The following KAZN variants were observed in gnomAD, a reference collection of about 807,000 sequenced individuals.
KAZN encodes the protein kazrin, periplakin interacting protein.
Under a neutral mutation model 87.4 loss-of-function variants are expected in KAZN, and 40 were observed. That is an observed-to-expected ratio of 0.46 (90% CI 0.36 to 0.60). KAZN has a LOEUF of 0.60. Among genes scored for constraint, KAZN ranks in the 20% least tolerant of loss-of-function variants. The pLI is 0.00. For synonymous variants in KAZN, 466 were observed against 458.3 expected (o/e 1.02, Z -0.22); for missense variants, 898 against 1,073.9 (o/e 0.84, Z 2.29).
At chr1:14,662,607 C>T (rs1036481394) in intron 1 of KAZN, among the ~76,000 whole-genome samples, 6 of 151,838 alleles carry the variant, frequency 4.0e-5, no homozygotes, top group Admixed American at 3.3e-4. Context: ...TTATCTTTAC[C>T]TCTGACCAAT....
intron 1 of KAZN, among the ~76,000 whole-genome samples, chr1:14,062,794 C>G (rs182130295): frequency 1.3e-5 from 2 of 151,936 alleles, no homozygotes; most frequent in Non-Finnish European, 2.9e-5. Context: ...CATCATCAAG[C>G]AGGGACATTT....
chr1:14,896,358 A>G (rs1655279001), intron 1 of KAZN, among the ~76,000 whole-genome samples: 2 of 152,192 alleles, frequency 1.3e-5, no homozygotes, highest in African/African-American at 4.8e-5. Flanking sequence ...CAGCCAAAAA[A>G]GATGCCTTTT....
chr1:14,435,567 C>A (rs2101412579), intron 2 of KAZN, among the ~76,000 whole-genome samples: 1 of 152,186 alleles, frequency 6.6e-6, no homozygotes, highest in East Asian at 1.9e-4. Flanking sequence ...CATTCCTTTG[C>A]CCCTGCCTTC....
chr1:14,777,183 A>C (rs1360365269), intron 1 of KAZN, among the ~76,000 whole-genome samples: 1 of 149,262 alleles, frequency 6.7e-6, no homozygotes. Flanking sequence ...TTTTTAGTAG[A>C]GACGGGGTTT....
chr1:14,517,438 C>A (rs1671355564), intron 2 of KAZN, among the ~76,000 whole-genome samples: 1 of 152,174 alleles, frequency 6.6e-6, no homozygotes, highest in African/African-American at 2.4e-5. Flanking sequence ...CCTGGACTTT[C>A]CAATTTGTGA....
intron 2 of KAZN, among the ~76,000 whole-genome samples, chr1:14,311,542 A>G (rs1655301587): frequency 6.6e-6 from 1 of 152,170 alleles, no homozygotes; most frequent in African/African-American, 2.4e-5. Context: ...CATCGTGGAG[A>G]CCAGAATCAA....
At chr1:14,363,977 T>C (rs866837849) in intron 2 of KAZN, among the ~76,000 whole-genome samples, 1 of 152,240 alleles carries the variant, frequency 6.6e-6, no homozygotes, top group African/African-American at 2.4e-5. Flanking sequence ...ATTTTTTTTT[T>C]TTTTTTTAAT....
intron 1 of KAZN, among the ~76,000 whole-genome samples, chr1:13,917,110 G>T (rs1435951016): frequency 6.6e-6 from 1 of 152,156 alleles, no homozygotes. Context: ...GTGCATGCAT[G>T]CACGCCCATG....
At chr1:14,912,562 G>A (rs1657368374) in intron 1 of KAZN, among the ~76,000 whole-genome samples, 2 of 152,096 alleles carry the variant, frequency 1.3e-5, no homozygotes, top group Admixed American at 1.3e-4. Flanking sequence ...CATATTTTTT[G>A]TAGAGACAGG....
intron 2 of KAZN, among the ~76,000 whole-genome samples, chr1:14,240,536 G>C (rs1424125222): frequency 6.6e-6 from 1 of 152,198 alleles, no homozygotes; most frequent in Non-Finnish European, 1.5e-5. Flanking sequence ...CAACAGCCAG[G>C]CCCAAATATC....
chr1:14,424,656 G>A (rs1418513340), intron 2 of KAZN, among the ~76,000 whole-genome samples: 3 of 152,190 alleles, frequency 2.0e-5, no homozygotes, highest in African/African-American at 7.2e-5. Context: ...GACCTTGTAA[G>A]GACAGATACC....
In KAZN at chr1:15,066,081, T is replaced by C; in HGVS notation, c.1222+328T>C. ...GAGCGATACAGTTGTGTTGTTAATC[T>C]GGTTTATTATTTTTCTTCAGTGTTT... On this transcript the variant is annotated intron_variant, in intron 8 of 14. Coordinates refer to ENST00000376030, the MANE Select transcript of KAZN (RefSeq NM_201628.3). The surrounding 1 kb of genome is among the most constrained non-coding windows in gnomAD (Gnocchi z 4.3). 1 of 1,165,508 alleles carries C rather than the reference T, an allele frequency of 8.6e-7. No individual in the cohort carries two copies. The highest frequency in any genetic ancestry group is 1.1e-6 in the Non-Finnish European group (1 of 945,668). The allele number at this position is 1,165,508 out of a possible 1,614,324, so 72.2% of individuals were successfully genotyped here. A position where few individuals can be genotyped will look rare whatever the true frequency, so the allele number is the denominator to read the frequency against.
chr1:14,097,729 A>G (rs1216313411), intron 1 of KAZN, among the ~76,000 whole-genome samples: 1 of 152,132 alleles, frequency 6.6e-6, no homozygotes, highest in Non-Finnish European at 1.5e-5. Flanking sequence ...TCTCATATTC[A>G]TTTAGTTAGC....
At chr1:14,747,634 C>G (rs1183382112) in intron 1 of KAZN, among the ~76,000 whole-genome samples, 1 of 152,218 alleles carries the variant, frequency 6.6e-6, no homozygotes, top group Admixed American at 6.5e-5. Flanking sequence ...GTAGTTTCCA[C>G]CTTTTGGCTG....
At chr1:14,902,358 T>C (rs150653922) in intron 1 of KAZN, among the ~76,000 whole-genome samples, 2,655 of 152,146 alleles carry the variant, frequency 0.017, 38 homozygotes, top group Middle Eastern at 0.048. Flanking sequence ...CCTGAGTAGC[T>C]GGGACTATAG....
At chr1:14,330,919 T>C (rs1243164076) in intron 2 of KAZN, among the ~76,000 whole-genome samples, 2 of 152,164 alleles carry the variant, frequency 1.3e-5, no homozygotes, top group African/African-American at 4.8e-5. Context: ...TTATTTAGGG[T>C]ATATATAGTT....
intron 1 of KAZN, among the ~76,000 whole-genome samples, chr1:14,954,593 A>G (rs897622913): frequency 1.3e-5 from 2 of 152,218 alleles, no homozygotes; most frequent in African/African-American, 4.8e-5. Flanking sequence ...CCTAGCTCCT[A>G]GCCACGTGGG....
At chr1:14,728,423 G>A (rs760708113) in intron 1 of KAZN, among the ~76,000 whole-genome samples, 92 of 151,688 alleles carry the variant, frequency 6.1e-4, no homozygotes, top group Non-Finnish European at 7.8e-4. Context: ...CTCACCTGCC[G>A]CTCACCTCCT....
At chr1:14,099,769 A>C (rs749249908) in intron 1 of KAZN, among the ~76,000 whole-genome samples, 4 of 152,152 alleles carry the variant, frequency 2.6e-5, no homozygotes, top group Non-Finnish European at 5.9e-5. Flanking sequence ...TCTGCTCTAA[A>C]AGTGAAATGG....
Sources: allele counts gnomAD v4.1 joint callset (sites outside exome capture counted in the v4.1 genomes callset), GRCh38; gene constraint gnomAD v4.1.1; non-coding constraint Gnocchi (gnomAD v3.1); transcripts MANE v1.5; gene names NCBI Gene and HGNC (gene_info 2026-07-23, HGNC 2026-07-21).